CCDC60: variants seen among roughly 807,000 people sequenced by gnomAD.
CCDC60 encodes the protein coiled-coil domain containing 60.
Under a neutral mutation model 63.5 loss-of-function variants are expected in CCDC60, and 54 were observed. The ratio of observed to expected loss-of-function variants is 0.85; its 90% CI spans 0.68 to 1.07. CCDC60 has a LOEUF of 1.07. Ranked by LOEUF, CCDC60 falls within the 50% of genes least tolerant of loss-of-function variation. The probability of loss-of-function intolerance (pLI) is 0.00; values close to 1 mark genes in which losing one functional copy is unlikely to be tolerated. For missense variants in CCDC60, 651 were observed against 684.3 expected (o/e 0.95, Z 0.54); for synonymous variants, 206 against 238.8 (o/e 0.86, Z 1.27).
chr12:119,500,015 A>G, intron 5 of CCDC60, 63 bp from the exon 6 acceptor site: 1 of 1,153,866 alleles, frequency 8.7e-7, no homozygotes, highest in Non-Finnish European at 1.3e-6. Flanking sequence ...GCATTTCTTA[A>G]AAGAACTTGT....
intron 1 of CCDC60, among the ~76,000 whole-genome samples, chr12:119,360,659 C>T (rs540321800): frequency 1.1e-3 from 167 of 151,774 alleles, no homozygotes; most frequent in African/African-American, 3.8e-3. Flanking sequence ...CGATGGGCGG[C>T]GGGGCAGAGA....
chr12:119,472,802 C>T (rs934373690), intron 3 of CCDC60, among the ~76,000 whole-genome samples: 2 of 151,882 alleles, frequency 1.3e-5, no homozygotes, highest in Non-Finnish European at 2.9e-5. Context: ...AGGCTGGTCT[C>T]GAACTGCTGA....
intron 1 of CCDC60, among the ~76,000 whole-genome samples, chr12:119,418,409 T>C (rs1956748225): frequency 1.2e-5 from 1 of 84,376 alleles, no homozygotes; most frequent in African/African-American, 4.8e-5. Context: ...TTTTTTTTTT[T>C]TTTTTTTTTT....
chr12:119,519,455 A>G (rs28612518), intron 8 of CCDC60, among the ~76,000 whole-genome samples: 1 of 124,888 alleles, frequency 8.0e-6, no homozygotes, highest in African/African-American at 3.4e-5. Context: ...GTGTGTGTAT[A>G]TATATATATA....
chr12:119,485,013 A>T (rs1951403317), intron 4 of CCDC60, among the ~76,000 whole-genome samples: 1 of 152,206 alleles, frequency 6.6e-6, no homozygotes, highest in South Asian at 2.1e-4. Flanking sequence ...CCAGACCCAG[A>T]GCAATCAAGG....
chr12:119,440,440 G>A (rs1950420854), intron 2 of CCDC60, among the ~76,000 whole-genome samples: 1 of 152,172 alleles, frequency 6.6e-6, no homozygotes, highest in Admixed American at 6.5e-5. Context: ...TGAGGCAGGA[G>A]AATGGCGTTA....
chr12:119,360,024 GGC>G (rs1310144898), intron 1 of CCDC60, among the ~76,000 whole-genome samples: 1 of 152,034 alleles, frequency 6.6e-6, no homozygotes, highest in African/African-American at 2.4e-5. Context: ...TTGTCATCCT[GGC>G]CCGTTCTCAA....
At chr12:119,502,141 T>C (rs1451231213) in intron 6 of CCDC60, among the ~76,000 whole-genome samples, 4 of 152,206 alleles carry the variant, frequency 2.6e-5, no homozygotes, top group Admixed American at 2.6e-4. Flanking sequence ...GTGGAGTCTG[T>C]GGCAAACTGG....
intron 1 of CCDC60, among the ~76,000 whole-genome samples, chr12:119,390,295 C>A (rs1956133586): frequency 6.6e-6 from 1 of 152,208 alleles, no homozygotes; most frequent in Non-Finnish European, 1.5e-5. Context: ...ATCCTCCCTG[C>A]AGGTGCTCCC....
intron 7 of CCDC60, among the ~76,000 whole-genome samples, chr12:119,509,520 T>A (rs1021628178): frequency 1.3e-5 from 2 of 152,140 alleles, no homozygotes; most frequent in Non-Finnish European, 2.9e-5. Flanking sequence ...CTTGGTCCCT[T>A]TAAGTAGGGT....
At chr12:119,371,727 C>A (rs573930204) in intron 1 of CCDC60, among the ~76,000 whole-genome samples, 2 of 152,282 alleles carry the variant, frequency 1.3e-5, no homozygotes, top group African/African-American at 4.8e-5. Context: ...TTGTTCATTT[C>A]TTTAGGAATA....
At chr12:119,421,029 T>C (rs112667904) in intron 1 of CCDC60, among the ~76,000 whole-genome samples, 2,520 of 151,224 alleles carry the variant, frequency 0.017, 73 homozygotes, top group African/African-American at 0.057. Flanking sequence ...GTGCTGTCTT[T>C]TCAGCCTCCC....
At chr12:119,389,288 A>T (rs906249749) in intron 1 of CCDC60, among the ~76,000 whole-genome samples, 1 of 152,232 alleles carries the variant, frequency 6.6e-6, no homozygotes, top group East Asian at 1.9e-4. Context: ...AATCTGGCTG[A>T]CCACTTGTTT....
intron 8 of CCDC60, among the ~76,000 whole-genome samples, chr12:119,519,596 G>A (rs1334050377): frequency 6.6e-6 from 1 of 151,462 alleles, no homozygotes; most frequent in Non-Finnish European, 1.5e-5. Flanking sequence ...CCGAGTAGGT[G>A]GGATTACAGA....
chr12:119,402,360 T>C (rs1221898118), intron 1 of CCDC60: 1 of 152,236 alleles, frequency 6.6e-6, no homozygotes, highest in Non-Finnish European at 1.5e-5. Context: ...ATTCTTGTCC[T>C]GAGTCTTCCA....
intron 2 of CCDC60, among the ~76,000 whole-genome samples, chr12:119,459,328 C>G (rs1268527503): frequency 6.6e-6 from 1 of 152,190 alleles, no homozygotes. Flanking sequence ...CTAACCCAAA[C>G]TGCCTTTGCA....
At chr12:119,482,132 A>G (rs1481598796) in intron 4 of CCDC60, among the ~76,000 whole-genome samples, 3 of 143,610 alleles carry the variant, frequency 2.1e-5, no homozygotes, top group Non-Finnish European at 3.0e-5. Flanking sequence ...ACATATATAT[A>G]CACATATATA....
At chr12:119,494,701 C>A (rs1456431951) in intron 5 of CCDC60, among the ~76,000 whole-genome samples, 2 of 149,018 alleles carry the variant, frequency 1.3e-5, no homozygotes, top group Non-Finnish European at 3.0e-5. Context: ...CAAACATCAG[C>A]CAGGCGTGGT....
chr12:119,476,809 A>G (rs1054768290), intron 3 of CCDC60, among the ~76,000 whole-genome samples: 3 of 152,044 alleles, frequency 2.0e-5, no homozygotes, highest in East Asian at 3.9e-4. Context: ...TTTCTTACTC[A>G]TGACATGGCC....
Sources: allele counts gnomAD v4.1 joint callset (sites outside exome capture counted in the v4.1 genomes callset), GRCh38; gene constraint gnomAD v4.1.1; transcripts MANE v1.5; gene names NCBI Gene and HGNC (gene_info 2026-07-23, HGNC 2026-07-21).